Variants in DTWD2 observed in about 807,000 individuals in gnomAD.
The protein encoded by DTWD2 is DTW motif tRNA-uridine aminocarboxypropyltransferase 2, also known as tRNA-uridine aminocarboxypropyltransferase 2.
DTWD2 carries 39 observed loss-of-function variants against 31.8 expected under a neutral mutation model. The observed-to-expected ratio is 1.22, with a 90% CI of 0.95 to 1.60. The LOEUF (loss-of-function observed/expected upper bound fraction) is 1.60, where lower values mean the gene tolerates loss of function less well. Among genes scored for constraint, DTWD2 ranks in the 40% most tolerant of loss-of-function variants. The pLI is 0.00. For synonymous variants in DTWD2, 180 were observed against 142.8 expected (o/e 1.26, Z -1.86); for missense variants, 515 against 381.5 (o/e 1.35, Z -2.92).
At chr5:118,851,588 T>A (rs1206200130) in intron 4 of DTWD2, among the ~76,000 whole-genome samples, 1 of 148,704 alleles carries the variant, frequency 6.7e-6, no homozygotes, top group African/African-American at 2.6e-5. Context: ...TATGTTCAGC[T>A]GTGCACGTAT....
intron 1 of DTWD2, among the ~76,000 whole-genome samples, chr5:118,973,635 TCGCGGCAGCCTCCTTGC>T (rs1755046369): frequency 1.3e-4 from 19 of 149,244 alleles, no homozygotes; most frequent in Non-Finnish European, 2.4e-4. Context: ...GCCTCCTTGC[TCGCGGCAGCCTCCTTGC>T]TCGCGGCAGC....
chr5:118,837,076 T>G lies in DTWD2; in HGVS notation c.*3841A>C, dbSNP rs980350036. 2.6e-5 allele frequency among the ~76,000 whole-genome samples: 4 copies of G among 152,192 alleles called. No homozygotes were observed. The highest frequency in any genetic ancestry group is 9.7e-5 in the African/African-American group (4 of 41,444). ...ATGCTATGTAAGGATGTATGAGTAT[T>G]TGTATAAATAACAACAGCTAGTACA... On this transcript the variant is annotated 3_prime_UTR_variant, in exon 6 of 6. Transcript: ENST00000510708.
chr5:118,950,573 G>C (rs375613944), intron 1 of DTWD2, among the ~76,000 whole-genome samples: 1 of 152,166 alleles, frequency 6.6e-6, no homozygotes, highest in Admixed American at 6.5e-5. Flanking sequence ...TGGACAGTTC[G>C]ATTTCCAGTG....
chr5:118,881,182 A>G (rs970462372), intron 4 of DTWD2, among the ~76,000 whole-genome samples: 11 of 152,230 alleles, frequency 7.2e-5, no homozygotes, highest in African/African-American at 2.7e-4. Context: ...AAAAGCAAAT[A>G]CAGTACTAAA....
intron 2 of DTWD2, among the ~76,000 whole-genome samples, chr5:118,940,473 G>C (rs1188878468): frequency 2.0e-5 from 3 of 152,276 alleles, no homozygotes; most frequent in African/African-American, 7.2e-5. Context: ...CATCCTGGAG[G>C]CAATCACTTT....
chr5:118,926,008 G>C (rs139619311), intron 4 of DTWD2, among the ~76,000 whole-genome samples: 277 of 152,174 alleles, frequency 1.8e-3, no homozygotes, highest in Non-Finnish European at 2.5e-3. Flanking sequence ...GGTAGGGAGA[G>C]GATCACTTGA....
intron 4 of DTWD2, among the ~76,000 whole-genome samples, chr5:118,916,423 T>C (rs1041154372): frequency 6.6e-6 from 1 of 152,158 alleles, no homozygotes; most frequent in African/African-American, 2.4e-5. Context: ...CCCAGCACTT[T>C]GGGAGGCCAA....
At chr5:118,875,881 G>A (rs973126510) in intron 4 of DTWD2, among the ~76,000 whole-genome samples, 1 of 151,870 alleles carries the variant, frequency 6.6e-6, no homozygotes, top group Non-Finnish European at 1.5e-5. Flanking sequence ...TCCACTCTCT[G>A]TGAAAAACAA....
At chr5:118,903,944 C>G (rs1753270456) in intron 4 of DTWD2, among the ~76,000 whole-genome samples, 1 of 151,924 alleles carries the variant, frequency 6.6e-6, no homozygotes, top group African/African-American at 2.4e-5. Flanking sequence ...GAAATTATGT[C>G]AAAAGGATAG....
In DTWD2 at chr5:118,840,855, G is replaced by A; in HGVS notation, c.*62C>T. 1 of 1,544,958 alleles carries A rather than the reference G, an allele frequency of 6.5e-7. No homozygotes were observed. Among genetic ancestry groups the A allele is most frequent in the Non-Finnish European group, 8.7e-7 (1 of 1,146,872 alleles). On this transcript the variant is annotated 3_prime_UTR_variant, in exon 6 of 6. Transcript: ENST00000510708. ...AAAAACCTACAGACCTTAACTATAT[G>A]AAAACTTAATTTGGTATTGTTAGAT...
chr5:118,942,249 C>G (rs1417062355), intron 2 of DTWD2, among the ~76,000 whole-genome samples: 1 of 152,134 alleles, frequency 6.6e-6, no homozygotes, highest in Non-Finnish European at 1.5e-5. Flanking sequence ...GTGGTTCACG[C>G]CTATAGTCCC....
intron 1 of DTWD2, chr5:118,988,001 C>A: frequency 5.9e-6 from 4 of 680,534 alleles, no homozygotes; most frequent in East Asian, 2.7e-5. Context: ...TGTCATCACC[C>A]CTTACTTCCC....
intron 1 of DTWD2, among the ~76,000 whole-genome samples, chr5:118,947,119 GT>G (rs1230029156): frequency 6.6e-6 from 1 of 152,210 alleles, no homozygotes; most frequent in East Asian, 1.9e-4. Context: ...GGAGCAGCAG[GT>G]GAGCAAGTGC....
At chr5:118,965,624 T>C (rs1335913746) in intron 1 of DTWD2, among the ~76,000 whole-genome samples, 1 of 152,164 alleles carries the variant, frequency 6.6e-6, no homozygotes, top group Non-Finnish European at 1.5e-5. Context: ...TGGTGTAAGA[T>C]CTATGACCTT....
intron 4 of DTWD2, among the ~76,000 whole-genome samples, chr5:118,854,646 C>G (rs1752089230): frequency 6.6e-6 from 1 of 151,732 alleles, no homozygotes; most frequent in African/African-American, 2.4e-5. Flanking sequence ...AAAGCAAACA[C>G]ACACAAAAAC....
At chr5:118,946,519 A>G (rs1018458161) in intron 1 of DTWD2, among the ~76,000 whole-genome samples, 1 of 152,198 alleles carries the variant, frequency 6.6e-6, no homozygotes, top group African/African-American at 2.4e-5. Context: ...AAAACCAAAA[A>G]CTAAAATGAT....
intron 3 of DTWD2, among the ~76,000 whole-genome samples, chr5:118,937,495 T>C (rs934315796): frequency 6.6e-6 from 1 of 152,128 alleles, no homozygotes; most frequent in African/African-American, 2.4e-5. Flanking sequence ...GCCAACCCTA[T>C]CACCTTTGGC....
chr5:118,892,063 T>C (rs1005963326), intron 4 of DTWD2, among the ~76,000 whole-genome samples: 1 of 152,174 alleles, frequency 6.6e-6, no homozygotes, highest in African/African-American at 2.4e-5. Flanking sequence ...AAATAAAATA[T>C]TTTAACATGT....
chr5:118,853,851 C>T (rs893320269), intron 4 of DTWD2, among the ~76,000 whole-genome samples: 8 of 152,094 alleles, frequency 5.3e-5, no homozygotes, highest in African/African-American at 1.9e-4. Flanking sequence ...CACATGTACC[C>T]TCTGAATCTA....
Sources: allele counts gnomAD v4.1 joint callset (sites outside exome capture counted in the v4.1 genomes callset), GRCh38; gene constraint gnomAD v4.1.1; transcripts MANE v1.5; gene names NCBI Gene and HGNC (gene_info 2026-07-23, HGNC 2026-07-21).